Variants in ANKRD46 observed in about 807,000 individuals in gnomAD.
The protein encoded by ANKRD46 is ankyrin repeat domain-containing protein 46.
A neutral mutation model predicts 19.8 loss-of-function variants in ANKRD46; 13 were observed. The observed-to-expected ratio is 0.66, with a 90% confidence interval of 0.43 to 1.04. The LOEUF (loss-of-function observed/expected upper bound fraction) is 1.04, where lower values mean the gene tolerates loss of function less well. Among genes scored for constraint, ANKRD46 ranks in the 50% least tolerant of loss-of-function variants. ANKRD46 has a pLI of 0.00. For synonymous variants in ANKRD46, 91 were observed against 106.9 expected, an observed-to-expected ratio of 0.85 and a Z score of 0.92; for missense variants, 185 against 274.8, an observed-to-expected ratio of 0.67 and a Z score of 2.31.
chr8:100,556,508 T>C (rs1276895057), intron 1 of ANKRD46: 2 of 152,192 alleles, frequency 1.3e-5, no homozygotes, highest in African/African-American at 4.8e-5. Context: ...GAAATAAAAA[T>C]TTACTATGGG....
Position 100,524,123 on chromosome 8 carries a change from T to C in ANKRD46, c.471-1352A>G, listed in dbSNP as rs1448248812. On this transcript the variant is annotated intron_variant, in intron 4 of 4. Transcript: ENST00000335659. The surrounding 1 kb of genome is among the most constrained non-coding windows in gnomAD (Gnocchi z 4.3). Reference sequence around the variant, plus strand: ...GAACTTTATCAATGAGAAATACGACTACCACAAAGAGAAACTGCATCTGAC... The same window carrying C: ...GAACTTTATCAATGAGAAATACGACCACCACAAAGAGAAACTGCATCTGAC... Among the ~76,000 whole-genome samples, 2 of 152,196 alleles carry C rather than the reference T, an allele frequency of 1.3e-5. No individual in the cohort carries two copies. Among genetic ancestry groups the C allele is most frequent in the African/African-American group, 4.8e-5 (2 of 41,446 alleles).
In ANKRD46 at chr8:100,524,503, C is replaced by CT. The variant is rs36068309; in HGVS notation, c.471-1733dup. 0.73 allele frequency among the ~76,000 whole-genome samples: 107,845 copies of CT among 148,510 alleles called. 39,708 individuals carry two copies. Among genetic ancestry groups the CT allele is most frequent in the African/African-American group, 0.84 (34,117 of 40,450 alleles). On this transcript the variant is annotated intron_variant, in intron 4 of 4. Coordinates refer to ENST00000335659, the MANE Select transcript of ANKRD46 (RefSeq NM_001270377.2). This position sits in a 1 kb window ranked among gnomAD's most constrained non-coding sequence, Gnocchi z 4.3. ...TGGGCCAGTCTGCTTAACACCCAAACTTTTTTTTTTTTAATAATTAAAACA... is the reference window on the plus strand; with the variant it reads ...TGGGCCAGTCTGCTTAACACCCAAACTTTTTTTTTTTTTAATAATTAAAACA...
chr8:100,523,139 G>A (rs966136059), intron 4 of ANKRD46, among the ~76,000 whole-genome samples: 3 of 145,458 alleles, frequency 2.1e-5, no homozygotes, highest in African/African-American at 7.7e-5. Context: ...ACCAGCCTGG[G>A]TAACATAGCG....
rs1187239963 is a variant in ANKRD46, at chr8:100,523,821, T to C, written c.471-1050A>G. Among the ~76,000 whole-genome samples the C allele has an allele frequency of 7.9e-5, 12 of 152,220 alleles. No individual in the cohort carries two copies. In the East Asian group the frequency reaches 2.3e-3, roughly 29 times the overall value. On this transcript the variant is annotated intron_variant, in intron 4 of 4. Coordinates refer to ENST00000335659, the MANE Select transcript of ANKRD46 (RefSeq NM_001270377.2). The stretch of plus-strand genomic sequence containing the variant: ...ACCATGGCTGGCTAATTTTTGTATT[T>C]TTGGTAGAGACAGGGTTTCGCCATG...
chr8:100,546,963 T>G lies in ANKRD46; in HGVS notation c.-131+12748A>C, dbSNP rs1812285214. Among the ~76,000 whole-genome samples, 1 of 152,222 alleles carries G rather than the reference T, an allele frequency of 6.6e-6. No individual in the cohort carries two copies. Among genetic ancestry groups the G allele is most frequent in the Admixed American group, 6.5e-5 (1 of 15,288 alleles). Reference sequence around the variant, plus strand: ...TTTCTCCCATTTGGAATGGGAGCATTTACCCAATGCCTGTGCCCTCATTGT... The same window carrying G: ...TTTCTCCCATTTGGAATGGGAGCATGTACCCAATGCCTGTGCCCTCATTGT... On this transcript the variant is annotated intron_variant, in intron 1 of 4. Transcript: ENST00000335659. This position sits in a 1 kb window ranked among gnomAD's most constrained non-coding sequence, Gnocchi z 4.0.
intron 1 of ANKRD46, among the ~76,000 whole-genome samples, chr8:100,555,761 AAG>A (rs1812486914): frequency 7.7e-6 from 1 of 130,342 alleles, no homozygotes; most frequent in Admixed American, 7.8e-5. Flanking sequence ...AAAAAAAAAA[AAG>A]ATTTCCACAT....
chr8:100,552,185 A>C (rs1812407870), intron 1 of ANKRD46, among the ~76,000 whole-genome samples: 1 of 151,112 alleles, frequency 6.6e-6, no homozygotes, highest in African/African-American at 2.4e-5. Context: ...TGTGTTATTT[A>C]ATGTCTAAGT....
At chr8:100,541,155 AC>A (rs1454358746) in intron 1 of ANKRD46, among the ~76,000 whole-genome samples, 1 of 151,716 alleles carries the variant, frequency 6.6e-6, no homozygotes, top group East Asian at 1.9e-4. Context: ...TTTTAAAAAA[AC>A]TTTTCAAGAA....
chr8:100,526,622 C>T (rs963107370), intron 4 of ANKRD46, among the ~76,000 whole-genome samples: 2 of 152,070 alleles, frequency 1.3e-5, no homozygotes, highest in Non-Finnish European at 2.9e-5. Flanking sequence ...AGAAGTAAAG[C>T]TCTTGGATTT....
At chr8:100,551,702 C>T (rs1812394032) in intron 1 of ANKRD46, 4 of 616,318 alleles carry the variant, frequency 6.5e-6, no homozygotes, top group Admixed American at 5.6e-5. Flanking sequence ...CTCTGGCCTT[C>T]ACCTTCACCA....
chr8:100,516,504 C>T (rs1811632790), downstream of ANKRD46, among the ~76,000 whole-genome samples: 1 of 152,058 alleles, frequency 6.6e-6, no homozygotes, highest in Non-Finnish European at 1.5e-5. Flanking sequence ...ACTATCCACC[C>T]CCCCATCATA....
chr8:100,541,431 G>A (rs905370384), intron 1 of ANKRD46, among the ~76,000 whole-genome samples: 6 of 152,246 alleles, frequency 3.9e-5, no homozygotes, highest in African/African-American at 1.2e-4. Flanking sequence ...TAGTAGTCAC[G>A]TGTCGCTTAA....
chr8:100,547,943 C>G (rs1459016537), intron 1 of ANKRD46, among the ~76,000 whole-genome samples: 1 of 152,098 alleles, frequency 6.6e-6, no homozygotes, highest in Non-Finnish European at 1.5e-5. Context: ...ACCCTCTACC[C>G]CAGTCAATCT....
chr8:100,528,881 T>C (rs1484521953), intron 3 of ANKRD46, among the ~76,000 whole-genome samples: 4 of 152,158 alleles, frequency 2.6e-5, no homozygotes, highest in Admixed American at 6.5e-5. Context: ...ACAGGTGACT[T>C]GACATCGTTC....
intron 1 of ANKRD46, among the ~76,000 whole-genome samples, chr8:100,555,189 A>T (rs1327096206): frequency 2.0e-5 from 3 of 152,108 alleles, no homozygotes; most frequent in Non-Finnish European, 4.4e-5. Context: ...ATCTAGAAAA[A>T]ACCTTCAGTA....
rs571676117 is a variant in ANKRD46, at chr8:100,537,820, A to G, written c.-130-4509T>C. Among the ~76,000 whole-genome samples the G allele has an allele frequency of 3.9e-5, 6 of 152,348 alleles. No homozygotes were observed. In the South Asian group the frequency reaches 1.2e-3, roughly 32 times the overall value. The stretch of plus-strand genomic sequence containing the variant: ...TAAACAGCAACTCTTTCTCTAATAG[A>G]GTGATCTTAATTCCCAAGGCCCACA... On this transcript the variant is annotated intron_variant, in intron 1 of 4. Transcript: ENST00000335659. This position sits in a 1 kb window ranked among gnomAD's most constrained non-coding sequence, Gnocchi z 4.2.
downstream of ANKRD46, among the ~76,000 whole-genome samples, chr8:100,517,487 G>A (rs1054777882): frequency 1.3e-5 from 2 of 152,140 alleles, no homozygotes; most frequent in Non-Finnish European, 2.9e-5. Flanking sequence ...AATGAGTGTT[G>A]GGTAGCAAGG....
intron 1 of ANKRD46, among the ~76,000 whole-genome samples, chr8:100,538,440 A>G (rs1812108325): frequency 6.6e-6 from 1 of 152,212 alleles, no homozygotes; most frequent in African/African-American, 2.4e-5. Flanking sequence ...TAGGTATTAT[A>G]AGTAACCTAG....
chr8:100,552,298 A>T (rs1812410145), intron 1 of ANKRD46, among the ~76,000 whole-genome samples: 1 of 152,002 alleles, frequency 6.6e-6, no homozygotes, highest in East Asian at 1.9e-4. Context: ...CAATTCCAAA[A>T]CAGCTACAGC....
Sources: allele counts gnomAD v4.1 joint callset (sites outside exome capture counted in the v4.1 genomes callset), GRCh38; gene constraint gnomAD v4.1.1; non-coding constraint Gnocchi (gnomAD v3.1); transcripts MANE v1.5; gene names NCBI Gene and HGNC (gene_info 2026-07-23, HGNC 2026-07-21).